CTNNA3: variants seen among roughly 807,000 people sequenced by gnomAD.
CTNNA3 encodes the protein catenin alpha 3, also known as catenin alpha-3.
Under a neutral mutation model 95.7 loss-of-function variants are expected in CTNNA3, and 76 were observed. The observed-to-expected ratio is 0.79, with a 90% CI of 0.66 to 0.96. CTNNA3 has a LOEUF of 0.96. CTNNA3 is among the 40% of genes least tolerant of loss of function. The pLI, the probability that CTNNA3 is intolerant of heterozygous loss-of-function variation, is 0.00. For missense variants in CTNNA3, 1,191 were observed against 1,089.8 expected (o/e 1.09, Z -1.31); for synonymous variants, 431 against 374.4 (o/e 1.15, Z -1.74).
chr10:66,684,976 T>C (rs7915695), intron 9 of CTNNA3, among the ~76,000 whole-genome samples: 21,310 of 151,242 alleles, frequency 0.14, 1,952 homozygotes, highest in African/African-American at 0.25. Flanking sequence ...CTATAACCAA[T>C]ATGCAATTCA....
At chr10:66,057,342 T>C (rs900378868) in intron 15 of CTNNA3, among the ~76,000 whole-genome samples, 1 of 152,190 alleles carries the variant, frequency 6.6e-6, no homozygotes, top group Non-Finnish European at 1.5e-5. Context: ...GGAACTAAAA[T>C]AGCCATTTCA....
chr10:67,733,647 C>T (rs935581203), intron 1 of CTNNA3, among the ~76,000 whole-genome samples: 14 of 152,142 alleles, frequency 9.2e-5, no homozygotes, highest in Non-Finnish European at 1.8e-4. Flanking sequence ...GAGCATGTTC[C>T]CTTGGAAATG....
At chr10:67,711,716 G>A (rs1183587157) in intron 1 of CTNNA3, among the ~76,000 whole-genome samples, 5 of 147,268 alleles carry the variant, frequency 3.4e-5, no homozygotes, top group African/African-American at 5.0e-5. Context: ...TATATCTCCC[G>A]ATGCTATCCC....
intron 7 of CTNNA3, among the ~76,000 whole-genome samples, chr10:66,962,604 G>A (rs1026677506): frequency 6.6e-6 from 1 of 151,716 alleles, no homozygotes; most frequent in African/African-American, 2.4e-5. Flanking sequence ...GTAGAGATGG[G>A]ATTTCACCAT....
At chr10:67,020,163 T>G (rs1297635172) in intron 7 of CTNNA3, among the ~76,000 whole-genome samples, 1 of 152,174 alleles carries the variant, frequency 6.6e-6, no homozygotes, top group Non-Finnish European at 1.5e-5. Context: ...TTTTTTATAA[T>G]CATAGCTTAA....
intron 10 of CTNNA3, among the ~76,000 whole-genome samples, chr10:66,571,910 T>A (rs1842877919): frequency 6.6e-6 from 1 of 152,190 alleles, no homozygotes; most frequent in Non-Finnish European, 1.5e-5. Flanking sequence ...ACGCATTTTT[T>A]AAAGAAATTA....
chr10:66,057,494 T>A (rs1241238732), intron 15 of CTNNA3, among the ~76,000 whole-genome samples: 1 of 152,228 alleles, frequency 6.6e-6, no homozygotes, highest in Non-Finnish European at 1.5e-5. Flanking sequence ...TTACTTATCA[T>A]GATTAGCAAT....
chr10:67,392,631 C>G (rs538291489), intron 5 of CTNNA3, among the ~76,000 whole-genome samples: 4 of 152,264 alleles, frequency 2.6e-5, no homozygotes, highest in African/African-American at 9.6e-5. Context: ...GCACTCTTCA[C>G]AAGAGCAAAG....
chr10:66,696,121 C>A (rs1847753618), intron 9 of CTNNA3, among the ~76,000 whole-genome samples: 1 of 152,054 alleles, frequency 6.6e-6, no homozygotes, highest in African/African-American at 2.4e-5. Context: ...TACAGCAAAG[C>A]AAATGACTTT....
intron 1 of CTNNA3, among the ~76,000 whole-genome samples, chr10:67,659,004 T>C (rs1303955918): frequency 6.6e-6 from 1 of 151,980 alleles, no homozygotes; most frequent in Non-Finnish European, 1.5e-5. Flanking sequence ...ATGAAAAGAT[T>C]CAAACAAAAT....
chr10:65,952,798 A>C (rs1268361108), intron 17 of CTNNA3, among the ~76,000 whole-genome samples: 1 of 152,136 alleles, frequency 6.6e-6, no homozygotes, highest in East Asian at 1.9e-4. Context: ...GCTGAGTTGC[A>C]GTTGCTTGGC....
intron 16 of CTNNA3, among the ~76,000 whole-genome samples, chr10:65,979,502 G>A (rs2133297043): frequency 6.6e-6 from 1 of 152,136 alleles, no homozygotes; most frequent in East Asian, 1.9e-4. Context: ...TGGAAAAGAT[G>A]GTGGAAAGGT....
chr10:67,460,215 C>CT (rs2132990492), intron 5 of CTNNA3, among the ~76,000 whole-genome samples: 1 of 152,148 alleles, frequency 6.6e-6, no homozygotes, highest in East Asian at 1.9e-4. Context: ...TTCATTCTAA[C>CT]TGTTGAATTA....
chr10:67,255,002 A>G (rs528651932), intron 5 of CTNNA3, among the ~76,000 whole-genome samples: 1 of 152,336 alleles, frequency 6.6e-6, no homozygotes, highest in African/African-American at 2.4e-5. Flanking sequence ...CTATAAAACC[A>G]CAATAATTTC....
intron 7 of CTNNA3, among the ~76,000 whole-genome samples, chr10:67,051,169 A>C (rs942969672): frequency 6.6e-6 from 1 of 152,200 alleles, no homozygotes; most frequent in Non-Finnish European, 1.5e-5. Flanking sequence ...CAGGAATGAG[A>C]TCTCATTACC....
At chr10:67,070,372 T>C (rs962650484) in intron 7 of CTNNA3, among the ~76,000 whole-genome samples, 6 of 152,206 alleles carry the variant, frequency 3.9e-5, no homozygotes, top group South Asian at 2.1e-4. Flanking sequence ...CTTAATGGTA[T>C]GTTTTGATGA....
At chr10:66,506,029 C>G (rs988949418) in intron 11 of CTNNA3, among the ~76,000 whole-genome samples, 3 of 152,094 alleles carry the variant, frequency 2.0e-5, no homozygotes, top group African/African-American at 7.2e-5. Flanking sequence ...CAGGCTGCTT[C>G]CACTCATGGC....
At chr10:66,532,345 C>T (rs750129012) in intron 10 of CTNNA3, among the ~76,000 whole-genome samples, 20 of 151,960 alleles carry the variant, frequency 1.3e-4, no homozygotes, top group Non-Finnish European at 2.6e-4. Context: ...GCCTGAAGTC[C>T]CAGCTACTGG....
chr10:66,687,830 G>T (rs765237433), intron 9 of CTNNA3, among the ~76,000 whole-genome samples: 1 of 151,770 alleles, frequency 6.6e-6, no homozygotes, highest in Non-Finnish European at 1.5e-5. Context: ...TCTAATGAAA[G>T]ATAATATTTT....
Sources: allele counts gnomAD v4.1 joint callset (sites outside exome capture counted in the v4.1 genomes callset), GRCh38; gene constraint gnomAD v4.1.1; transcripts MANE v1.5; gene names NCBI Gene and HGNC (gene_info 2026-07-23, HGNC 2026-07-21).